The following IGF2BP3 variants were observed in gnomAD, a reference collection of about 807,000 sequenced individuals.
The protein encoded by IGF2BP3 is insulin like growth factor 2 mRNA binding protein 3, also known as insulin-like growth factor 2 mRNA-binding protein 3.
A neutral mutation model predicts 73.8 loss-of-function variants in IGF2BP3; 9 were observed. That is an observed-to-expected ratio of 0.12 (90% CI 0.07 to 0.21). The LOEUF (loss-of-function observed/expected upper bound fraction) is 0.21, where lower values mean the gene tolerates loss of function less well. IGF2BP3 is among the 10% of genes least tolerant of loss of function. The pLI, the probability that IGF2BP3 is intolerant of heterozygous loss-of-function variation, is 1.00. For missense variants in IGF2BP3, 542 were observed against 714.0 expected, an observed-to-expected ratio of 0.76 and a Z score of 2.75; for synonymous variants, 258 against 256.7, an observed-to-expected ratio of 1.01 and a Z score of -0.05.
In IGF2BP3 at chr7:23,418,805, G is replaced by T. The variant is rs752466492; in HGVS notation, c.256C>A (p.Arg86=). 5 of 1,581,124 alleles carry T rather than the reference G, an allele frequency of 3.2e-6. No homozygotes were observed. Among genetic ancestry groups the T allele is most frequent in the Non-Finnish European group, 4.3e-6 (5 of 1,158,564 alleles). The part of the protein sequence containing the change: ...KRQRIRKLQI[R]NIPPHLQWEV... ...CACTGTAAATGAGGCGGGATATTTC[G>T]TATCTGAAGTTTCCGAATCCTGCAG... The change falls in exon 3 of 15, where the codon CGA becomes AGA. Residue 86 remains arginine (R), a synonymous_variant. Transcript: ENST00000258729.
intron 2 of IGF2BP3, among the ~76,000 whole-genome samples, chr7:23,448,517 C>T (rs1788117918): frequency 6.6e-6 from 1 of 152,218 alleles, no homozygotes; most frequent in Admixed American, 6.5e-5. Flanking sequence ...ATCTTCCCAC[C>T]TCAGCCTCCC....
chr7:23,423,991 G>A (rs959950378), intron 2 of IGF2BP3, among the ~76,000 whole-genome samples: 4 of 151,940 alleles, frequency 2.6e-5, no homozygotes, highest in Admixed American at 1.3e-4. Context: ...GGTGGTATGC[G>A]CCTGCAATCC....
chr7:23,405,118 A>C (rs1179288664), intron 3 of IGF2BP3: 1 of 152,224 alleles, frequency 6.6e-6, no homozygotes, highest in East Asian at 1.9e-4. Context: ...TATCTACAAG[A>C]AAAAAGCAAA....
intron 10 of IGF2BP3, among the ~76,000 whole-genome samples, chr7:23,326,010 G>A (rs1227932761): frequency 6.6e-6 from 1 of 152,088 alleles, no homozygotes; most frequent in East Asian, 1.9e-4. Flanking sequence ...GCATGGGCAA[G>A]GACTTCATGT....
At chr7:23,404,668 A>T (rs1327254047) in intron 3 of IGF2BP3, among the ~76,000 whole-genome samples, 1 of 152,082 alleles carries the variant, frequency 6.6e-6, no homozygotes, top group African/African-American at 2.4e-5. Context: ...CCCCACATGG[A>T]AAGTAATACT....
intron 3 of IGF2BP3, among the ~76,000 whole-genome samples, chr7:23,392,578 G>A (rs2128521732): frequency 6.6e-6 from 1 of 151,820 alleles, no homozygotes; most frequent in South Asian, 2.1e-4. Context: ...ACTCTGAATG[G>A]TAGGATTTTA....
chr7:23,468,757 G>T (rs903192882), intron 1 of IGF2BP3, among the ~76,000 whole-genome samples: 1 of 152,228 alleles, frequency 6.6e-6, no homozygotes, highest in Admixed American at 6.5e-5. Context: ...TCCGCTGGCG[G>T]GCCCACTACT....
chr7:23,348,236 T>A (rs1383844651), intron 6 of IGF2BP3, among the ~76,000 whole-genome samples: 1 of 152,222 alleles, frequency 6.6e-6, no homozygotes, highest in Admixed American at 6.5e-5. Flanking sequence ...TAGAGGAAAG[T>A]CTGCAACGAA....
intron 3 of IGF2BP3, among the ~76,000 whole-genome samples, chr7:23,367,430 A>C (rs180925788): frequency 1.9e-4 from 27 of 142,816 alleles, no homozygotes; most frequent in African/African-American, 7.6e-4. Flanking sequence ...TACTTCTTTT[A>C]AACAGTCTTA....
intron 2 of IGF2BP3, among the ~76,000 whole-genome samples, chr7:23,434,878 T>G (rs1013552989): frequency 2.6e-5 from 4 of 152,156 alleles, no homozygotes; most frequent in Non-Finnish European, 5.9e-5. Context: ...ACTACATCAG[T>G]ATTTTCCCAA....
rs555318092 is a variant in IGF2BP3, at chr7:23,343,698, C to A, written c.1077+20G>T. 2 of 1,596,080 alleles carry A rather than the reference C, an allele frequency of 1.3e-6. No homozygotes were observed. The highest frequency in any genetic ancestry group is 1.3e-5 in the African/African-American group (1 of 74,656). ...AACTATTTGTTAAAATAAAGACATGCCCTTCATAACAAAACTAACATTCAT... is the reference window on the plus strand; with the variant it reads ...AACTATTTGTTAAAATAAAGACATGACCTTCATAACAAAACTAACATTCAT... On this transcript the variant is annotated intron_variant, in intron 9 of 14. Transcript: ENST00000258729.
In IGF2BP3 at chr7:23,412,842, C is replaced by CTTTTTTTTTTTT. The variant is rs557467066; in HGVS notation, c.285+5922_285+5933dup. 2.4e-4 allele frequency among the ~76,000 whole-genome samples: 9 copies of CTTTTTTTTTTTT among 36,978 alleles called. 1 individual carries two copies. Among genetic ancestry groups the CTTTTTTTTTTTT allele is most frequent in the African/African-American group, 6.6e-4 (6 of 9,146 alleles). The allele number at this position is 36,978 out of a possible 152,430, so 24.3% of individuals were successfully genotyped here. ...GAAATCCTTTCCTTAAGACTCTGGC[C>CTTTTTTTTTTTT]TTTTTTTTTTTTTTTTTTTTTTTTT... On this transcript the variant is annotated intron_variant, in intron 3 of 14. Coordinates refer to ENST00000258729, the MANE Select transcript of IGF2BP3 (RefSeq NM_006547.3).
At chr7:23,371,318 G>A (rs1785535871) in intron 3 of IGF2BP3, among the ~76,000 whole-genome samples, 1 of 151,476 alleles carries the variant, frequency 6.6e-6, no homozygotes, top group South Asian at 2.1e-4. Flanking sequence ...GGAGATGAAG[G>A]GAACATCCTT....
At chr7:23,452,161 C>T (rs1356166586) in intron 2 of IGF2BP3, among the ~76,000 whole-genome samples, 5 of 151,880 alleles carry the variant, frequency 3.3e-5, no homozygotes, top group South Asian at 2.1e-4. Context: ...CCCGCCACCA[C>T]GCCCAGCTAA....
chr7:23,319,077 A>C lies in IGF2BP3; in HGVS notation c.1320+61T>G, dbSNP rs948657503. On this transcript the variant is annotated intron_variant, in intron 11 of 14. Coordinates refer to ENST00000258729, the MANE Select transcript of IGF2BP3 (RefSeq NM_006547.3). ...TCTATTCAAATTATAAAGTGGCAAG[A>C]AGATTCATATTTCTGTAACTTACTT... is the stretch of plus-strand genomic sequence containing the variant. 1.3e-5 allele frequency: 14 copies of C among 1,040,128 alleles called. 1 individual carries two copies. In the African/African-American group the frequency reaches 1.9e-4, roughly 14 times the overall value. The allele number at this position is 1,040,128 out of a possible 1,614,324, so 64.4% of individuals were successfully genotyped here. A position where few individuals can be genotyped will look rare whatever the true frequency, so the allele number is the denominator to read the frequency against.
At chr7:23,333,752 A>G (rs17150417) in intron 10 of IGF2BP3, among the ~76,000 whole-genome samples, 2,623 of 152,322 alleles carry the variant, frequency 0.017, 64 homozygotes, top group African/African-American at 0.059. Context: ...GTGTTTTTCC[A>G]CACCAGGAGA....
At chr7:23,442,295 A>G (rs1375964198) in intron 2 of IGF2BP3, among the ~76,000 whole-genome samples, 1 of 152,238 alleles carries the variant, frequency 6.6e-6, no homozygotes, top group Non-Finnish European at 1.5e-5. Flanking sequence ...GCAAACATCA[A>G]CAACATTAAA....
At chr7:23,443,204 T>C (rs1787978532) in intron 2 of IGF2BP3, among the ~76,000 whole-genome samples, 1 of 146,706 alleles carries the variant, frequency 6.8e-6, no homozygotes. Flanking sequence ...CGGCTCACTG[T>C]AAACTCCGCC....
chr7:23,385,504 C>G (rs541785000), intron 3 of IGF2BP3, among the ~76,000 whole-genome samples: 1 of 151,946 alleles, frequency 6.6e-6, no homozygotes, highest in African/African-American at 2.4e-5. Context: ...ATCTAACCAC[C>G]GATTCACAAG....
Sources: gnomAD v4.1 joint callset for allele counts (sites outside exome capture counted in the v4.1 genomes callset) on GRCh38, gnomAD v4.1.1 for gene constraint, MANE v1.5 for transcripts, NCBI Gene and HGNC (gene_info 2026-07-23, HGNC 2026-07-21) for gene names.